The following PRRG4 variants were observed in gnomAD, a reference collection of about 807,000 sequenced individuals.
PRRG4 encodes the protein transmembrane gamma-carboxyglutamic acid protein 4.
PRRG4 carries 12 observed loss-of-function variants against 20.0 expected under a neutral mutation model. The observed-to-expected ratio is 0.60, with a 90% CI of 0.38 to 0.97. The LOEUF (loss-of-function observed/expected upper bound fraction) is 0.97. PRRG4 is among the 50% of genes least tolerant of loss of function. PRRG4 has a pLI of 0.00. For missense variants in PRRG4, 199 were observed against 265.1 expected, an observed-to-expected ratio of 0.75 and a Z score of 1.73; for synonymous variants, 94 against 96.4, an observed-to-expected ratio of 0.98 and a Z score of 0.15.
chr11:32,838,776 A>G lies in PRRG4; in HGVS notation c.268-106A>G, dbSNP rs898397454. 31 of 755,424 alleles carry G rather than the reference A, an allele frequency of 4.1e-5. No homozygotes were observed. In the South Asian group the frequency reaches 4.5e-4, roughly 11 times the overall value. The allele number at this position is 755,424 out of a possible 1,614,324, so 46.8% of individuals were successfully genotyped here. On this transcript the variant is annotated intron_variant, in intron 3 of 5. Coordinates refer to ENST00000257836, the MANE Select transcript of PRRG4 (RefSeq NM_024081.6). Reference sequence around the variant, plus strand: ...GCTTGAATGAACTGGTCTCCTACCTATGGTGCATGCCAAGAGTTTACTACC... The same window carrying G: ...GCTTGAATGAACTGGTCTCCTACCTGTGGTGCATGCCAAGAGTTTACTACC...
chr11:32,838,332 T>G (rs7948092), intron 3 of PRRG4, among the ~76,000 whole-genome samples: 11,343 of 152,012 alleles, frequency 0.075, 451 homozygotes, highest in Non-Finnish European at 0.089. Context: ...GTCAGGCGCC[T>G]GTAGTTCCAG....
chr11:32,842,495 C>T (rs1851087814), intron 5 of PRRG4, among the ~76,000 whole-genome samples: 2 of 152,072 alleles, frequency 1.3e-5, no homozygotes, highest in Non-Finnish European at 2.9e-5. Flanking sequence ...CCAAGCCGGG[C>T]AGATCACCTG....
chr11:32,853,434 C>T lies in PRRG4; in HGVS notation c.588C>T (p.Thr196=), dbSNP rs755592919. Residue 196 remains threonine, a synonymous_variant, in exon 6 of 6, where the codon ACC becomes ACT. Transcript: ENST00000257836. ...LPSYEQAVAL[T]RKHSVSPPPP... ...CTTATGAACAGGCAGTGGCGCTGAC[C>T]AGAAAACACAGTGTTTCACCACCAC... is the stretch of plus-strand genomic sequence containing the variant. 6.2e-7 allele frequency: 1 copy of T among 1,614,074 alleles called. No individual in the cohort carries two copies.
intron 3 of PRRG4, among the ~76,000 whole-genome samples, chr11:32,837,488 GA>G (rs2133440567): frequency 6.7e-6 from 1 of 150,124 alleles, no homozygotes; most frequent in South Asian, 2.1e-4. Context: ...GCATAGTCTT[GA>G]AAAATGTTAA....
chr11:32,830,204 G>T (rs1049934417), intron 1 of PRRG4, 31 bp downstream of exon 1: 33 of 1,075,470 alleles, frequency 3.1e-5, no homozygotes, highest in Non-Finnish European at 3.5e-5. Context: ...ACCTCGGCGG[G>T]GAGGGGGTTA....
intron 5 of PRRG4, among the ~76,000 whole-genome samples, chr11:32,841,405 A>G (rs1214018663): frequency 7.2e-5 from 11 of 152,240 alleles, no homozygotes; most frequent in Admixed American, 7.2e-4. Context: ...AGACAAAGAC[A>G]GGCTAAAGAA....
At chr11:32,842,533 C>T (rs1851088116) in intron 5 of PRRG4, among the ~76,000 whole-genome samples, 1 of 152,008 alleles carries the variant, frequency 6.6e-6, no homozygotes, top group African/African-American at 2.4e-5. Flanking sequence ...CCAGCCTGAC[C>T]AACAAGGAGA....
At chr11:32,843,798 C>T (rs1462253845) in intron 5 of PRRG4, among the ~76,000 whole-genome samples, 1 of 151,750 alleles carries the variant, frequency 6.6e-6, no homozygotes, top group African/African-American at 2.4e-5. Flanking sequence ...CCCATTCTCC[C>T]CTCTCCCTAG....
chr11:32,830,387 C>G, intron 1 of PRRG4, 121 bp from the exon 2 acceptor site: 1 of 936,484 alleles, frequency 1.1e-6, no homozygotes, highest in African/African-American at 1.7e-5. Flanking sequence ...ACCGAAACCG[C>G]GCGCCGGGCG....
chr11:32,855,983 C>T lies in PRRG4; in HGVS notation c.*2456C>T, dbSNP rs1004076196. The stretch of plus-strand genomic sequence containing the variant: ...TCATGCCTATAAAATTACACTGCCT[C>T]GAATTATGAAATTCAGGGATCTTGT... On this transcript the variant is annotated 3_prime_UTR_variant, in exon 6 of 6. Coordinates refer to ENST00000257836, the MANE Select transcript of PRRG4 (RefSeq NM_024081.6). The T allele has an allele frequency of 6.6e-6, 1 of 152,014 alleles. No individual in the cohort carries two copies. Among genetic ancestry groups the T allele is most frequent in the South Asian group, 2.1e-4 (1 of 4,822 alleles). 9.4% of individuals were successfully genotyped at this position (152,014 alleles called of 1,614,324 possible).
chr11:32,838,759 G>C lies in PRRG4; in HGVS notation c.268-123G>C. The C allele has an allele frequency of 4.5e-6, 3 of 659,490 alleles. No individual in the cohort carries two copies. In the South Asian group the frequency reaches 5.4e-5, roughly 12 times the overall value. 40.9% of individuals were successfully genotyped at this position (659,490 alleles called of 1,614,324 possible). On this transcript the variant is annotated intron_variant, in intron 3 of 5. Coordinates refer to ENST00000257836, the MANE Select transcript of PRRG4 (RefSeq NM_024081.6). ...GTGAGTCACACCCTCCAGCTTGAAT[G>C]AACTGGTCTCCTACCTATGGTGCAT...
chr11:32,836,122 T>C (rs1011528565), intron 2 of PRRG4, among the ~76,000 whole-genome samples: 1 of 151,892 alleles, frequency 6.6e-6, no homozygotes, highest in Non-Finnish European at 1.5e-5. Flanking sequence ...ATAATAATAA[T>C]AATTAATAAC....
intron 5 of PRRG4, among the ~76,000 whole-genome samples, chr11:32,848,262 T>C (rs1210220402): frequency 6.6e-6 from 1 of 152,132 alleles, no homozygotes; most frequent in Non-Finnish European, 1.5e-5. Flanking sequence ...CAACCCCTTC[T>C]TATAGCAGCA....
chr11:32,837,603 G>T (rs1457149388), intron 3 of PRRG4, among the ~76,000 whole-genome samples: 1 of 149,940 alleles, frequency 6.7e-6, no homozygotes, highest in South Asian at 2.1e-4. Context: ...AGTCGCCCAG[G>T]CTGGAGTGCA....
Position 32,853,373 on chromosome 11 carries a change from C to G in PRRG4, c.527C>G (p.Pro176Arg). 1 of 1,614,016 alleles carries G rather than the reference C, an allele frequency of 6.2e-7. No homozygotes were observed. The highest frequency in any genetic ancestry group is 1.1e-5 in the South Asian group (1 of 91,080). Residue 176 changes from proline (P) to arginine (R), a missense_variant, in exon 6 of 6, where the codon CCA (proline) becomes CGA (arginine). Physicochemically the swap from Pro to Arg is moderately radical, Grantham distance 103. Coordinates refer to ENST00000257836, the MANE Select transcript of PRRG4 (RefSeq NM_024081.6). ...FRRPEEAALS[P>R]LPPSVEDAGL... ...AGACCTGAGGAGGCTGCCTTGTCTC[C>G]ATTGCCGCCTTCTGTGGAGGATGCA...
rs1373094458 is a variant in PRRG4, at chr11:32,853,520, C to T, written c.674C>T (p.Ser225Phe). The change falls in exon 6 of 6, where the codon TCT (serine) becomes TTT (phenylalanine). Residue 225 changes from serine (S) to phenylalanine (F), a missense_variant. Physicochemically the swap from Ser to Phe is radical, Grantham distance 155 (BLOSUM62 -2). Coordinates refer to ENST00000257836, the MANE Select transcript of PRRG4 (RefSeq NM_024081.6). ...TTTAAAAAATCTATGTCTCTCCCAT[C>T]TCACTGACTACCTTGTCATTTTGGT... ...RVFKKSMSLP[S>F]H 2 of 1,609,660 alleles carry T rather than the reference C, an allele frequency of 1.2e-6. No individual in the cohort carries two copies. Among genetic ancestry groups the T allele is most frequent in the Admixed American group, 1.7e-5 (1 of 60,018 alleles).
At chr11:32,843,564 C>T (rs1424194675) in intron 5 of PRRG4, among the ~76,000 whole-genome samples, 1 of 151,846 alleles carries the variant, frequency 6.6e-6, no homozygotes. Context: ...CTGCAACTTG[C>T]CTTTGGCACT....
Position 32,854,824 on chromosome 11 carries a change from T to C in PRRG4, c.*1297T>C. The stretch of plus-strand genomic sequence containing the variant: ...AGTTTTCTTCTTCTAAAAAATACTA[T>C]TTGCTATGAAGTTAGTTCTTCAGAA... On this transcript the variant is annotated 3_prime_UTR_variant, in exon 6 of 6. Coordinates refer to ENST00000257836, the MANE Select transcript of PRRG4 (RefSeq NM_024081.6). The C allele has an allele frequency of 6.6e-6, 1 of 152,164 alleles. No individual in the cohort carries two copies. The allele number at this position is 152,164 out of a possible 1,614,324, so 9.4% of individuals were successfully genotyped here. A position where few individuals can be genotyped will look rare whatever the true frequency, so the allele number is the denominator to read the frequency against.
chr11:32,845,335 A>C (rs1175252858), intron 5 of PRRG4, among the ~76,000 whole-genome samples: 1 of 152,156 alleles, frequency 6.6e-6, no homozygotes, highest in East Asian at 1.9e-4. Context: ...TGTAAGATAG[A>C]GAACACTCGG....
Sources: gnomAD v4.1 joint callset for allele counts (sites outside exome capture counted in the v4.1 genomes callset) on GRCh38, gnomAD v4.1.1 for gene constraint, MANE v1.5 for transcripts, NCBI Gene and HGNC (gene_info 2026-07-23, HGNC 2026-07-21) for gene names.